CCL28: variants seen among roughly 807,000 people sequenced by gnomAD.
CCL28 encodes the protein C-C motif chemokine ligand 28.
Under a neutral mutation model 7.1 loss-of-function variants are expected in CCL28, and 4 were observed. That is an observed-to-expected ratio of 0.56 (90% CI 0.28 to 1.29). CCL28 has a LOEUF of 1.29. Among genes scored for constraint, CCL28 ranks in the 50% most tolerant of loss-of-function variants. The pLI is 0.11. For missense variants in CCL28, 151 were observed against 163.4 expected, an observed-to-expected ratio of 0.92 and a Z score of 0.41; for synonymous variants, 55 against 57.8, an observed-to-expected ratio of 0.95 and a Z score of 0.22.
At chr5:43,369,154 TTTTA>T in the CCL28 span, among the ~76,000 whole-genome samples, 1 of 152,108 alleles carries the variant, frequency 6.6e-6, no homozygotes, top group Non-Finnish European at 1.5e-5. Context: ...TTTTGCTGTA[TTTTA>T]TTTGTTAGAA....
In CCL28 at chr5:43,381,726, T is replaced by C. The variant is rs1305619329; in HGVS notation, c.*134A>G. 1 of 732,780 alleles carries C rather than the reference T, an allele frequency of 1.4e-6. No homozygotes were observed. Among genetic ancestry groups the C allele is most frequent in the African/African-American group, 1.8e-5 (1 of 56,608 alleles). The allele number at this position is 732,780 out of a possible 1,614,324, so 45.4% of individuals were successfully genotyped here. A position where few individuals can be genotyped will look rare whatever the true frequency, so the allele number is the denominator to read the frequency against. On this transcript the variant is annotated 3_prime_UTR_variant, in exon 3 of 3. Transcript: ENST00000361115. Reference sequence around the variant, plus strand: ...TGGCTACATTTGCATACCGCACAATTGTTCATTTTTTAAAAACCAATATTT... The same window carrying C: ...TGGCTACATTTGCATACCGCACAATCGTTCATTTTTTAAAAACCAATATTT...
downstream of CCL28, among the ~76,000 whole-genome samples, chr5:43,378,296 A>G (rs1739968822): frequency 6.6e-6 from 1 of 152,098 alleles, no homozygotes; most frequent in Admixed American, 6.5e-5. Context: ...GATTGCAATA[A>G]GCCCAGATTG....
At chr5:43,400,853 G>A (rs1740997552) in intron 1 of CCL28, among the ~76,000 whole-genome samples, 1 of 152,156 alleles carries the variant, frequency 6.6e-6, no homozygotes. Context: ...GGGAGGCCGA[G>A]GTGGGCAGAT....
intron 1 of CCL28, among the ~76,000 whole-genome samples, chr5:43,405,885 T>A (rs1220702971): frequency 6.6e-6 from 1 of 151,930 alleles, no homozygotes; most frequent in Non-Finnish European, 1.5e-5. Context: ...GCAAATAAGC[T>A]AGAAAATCTA....
Position 43,381,343 on chromosome 5 carries a change from C to T in CCL28, c.*517G>A, listed in dbSNP as rs1226439426. ...AGTTGGGAGAAGTTATATCTATATG[C>T]TCCTCTTAAAATATTATATGAAGAT... is the stretch of plus-strand genomic sequence containing the variant. On this transcript the variant is annotated 3_prime_UTR_variant, in exon 3 of 3. Coordinates refer to ENST00000361115, the MANE Select transcript of CCL28 (RefSeq NM_148672.3). 1.3e-5 allele frequency: 2 copies of T among 152,054 alleles called. No individual in the cohort carries two copies. Among genetic ancestry groups the T allele is most frequent in the Admixed American group, 6.6e-5 (1 of 15,266 alleles). 9.4% of individuals were successfully genotyped at this position (152,054 alleles called of 1,614,324 possible).
chr5:43,395,674 C>T (rs1210817306), intron 1 of CCL28, among the ~76,000 whole-genome samples: 1 of 151,908 alleles, frequency 6.6e-6, no homozygotes, highest in Non-Finnish European at 1.5e-5. Flanking sequence ...GGATCTCGTG[C>T]AAGAAAGAAT....
chr5:43,364,503 T>C, the CCL28 span, among the ~76,000 whole-genome samples: 1 of 152,176 alleles, frequency 6.6e-6, no homozygotes, highest in Non-Finnish European at 1.5e-5. Context: ...AAATAAAGAA[T>C]TTTTTAAAAA....
chr5:43,384,604 G>A (rs1379888603), intron 2 of CCL28, among the ~76,000 whole-genome samples: 1 of 151,522 alleles, frequency 6.6e-6, no homozygotes, highest in Non-Finnish European at 1.5e-5. Context: ...TTTGTAGGTG[G>A]AGAGTTTTGA....
the CCL28 span, among the ~76,000 whole-genome samples, chr5:43,360,919 A>G: frequency 6.6e-5 from 10 of 152,138 alleles, no homozygotes; most frequent in African/African-American, 2.4e-4. Flanking sequence ...TGCACAGATC[A>G]TCCCATCACC....
At chr5:43,378,594 A>G (rs533233718), downstream of CCL28, among the ~76,000 whole-genome samples, 1 of 152,376 alleles carries the variant, frequency 6.6e-6, no homozygotes, top group Non-Finnish European at 1.5e-5. Context: ...CAATAATAGT[A>G]CATAGTACAG....
At position 43,412,320 on chromosome 5, in the gene CCL28, T is replaced by A; in HGVS notation, c.-4A>T. 1.2e-6 allele frequency: 2 copies of A among 1,611,962 alleles called. No individual in the cohort carries two copies. Among genetic ancestry groups the A allele is most frequent in the Non-Finnish European group, 1.7e-6 (2 of 1,179,042 alleles). On this transcript the variant is annotated 5_prime_UTR_variant, in exon 1 of 3. Coordinates refer to ENST00000361115, the MANE Select transcript of CCL28 (RefSeq NM_148672.3). ...TGGCGAGTCCTCTCTGCTGCATTCC[T>A]GCCTGCCCTACTGGCACTGACAGCA...
At chr5:43,372,893 G>A (rs369466273), downstream of CCL28, among the ~76,000 whole-genome samples, 73 of 151,692 alleles carry the variant, frequency 4.8e-4, no homozygotes, top group South Asian at 4.8e-3. Context: ...CTGCCTCCCA[G>A]GTACAAGTGA....
chr5:43,388,729 AT>A (rs1740441898), intron 1 of CCL28, among the ~76,000 whole-genome samples: 1 of 152,236 alleles, frequency 6.6e-6, no homozygotes, highest in Non-Finnish European at 1.5e-5. Flanking sequence ...ACAGACAAGG[AT>A]TCTGGTGGTA....
chr5:43,373,845 AAAG>A (rs1277374014), downstream of CCL28, among the ~76,000 whole-genome samples: 2 of 152,206 alleles, frequency 1.3e-5, no homozygotes, highest in Admixed American at 6.5e-5. Context: ...CCTACTGTGC[AAAG>A]AAGGTTTTTT....
chr5:43,390,188 G>T (rs1025299), intron 1 of CCL28, among the ~76,000 whole-genome samples: 2 of 152,084 alleles, frequency 1.3e-5, no homozygotes, highest in Admixed American at 6.5e-5. Flanking sequence ...CTGATAAGAG[G>T]TCGGGGAGGC....
At chr5:43,370,247 A>G in the CCL28 span, among the ~76,000 whole-genome samples, 1 of 152,238 alleles carries the variant, frequency 6.6e-6, no homozygotes, top group African/African-American at 2.4e-5. Context: ...ACGGCAATAT[A>G]TAATTCAAAT....
chr5:43,398,704 A>G (rs1015374415), intron 1 of CCL28, among the ~76,000 whole-genome samples: 8 of 152,142 alleles, frequency 5.3e-5, no homozygotes, highest in Non-Finnish European at 1.5e-5. Flanking sequence ...CAAAAAAATT[A>G]GCCGGGCATG....
At chr5:43,387,728 C>T (rs1028114171) in intron 2 of CCL28, among the ~76,000 whole-genome samples, 2 of 152,182 alleles carry the variant, frequency 1.3e-5, no homozygotes, top group South Asian at 2.1e-4. Context: ...CTGGGCTCAA[C>T]GATCCTCCCA....
At chr5:43,388,676 T>C (rs1740440377) in intron 1 of CCL28, among the ~76,000 whole-genome samples, 200 bp from the exon 2 acceptor site, 1 of 152,114 alleles carries the variant, frequency 6.6e-6, no homozygotes, top group African/African-American at 2.4e-5. Context: ...AAAATGTAAA[T>C]TTAGGCAAAG....
Sources: allele counts gnomAD v4.1 joint callset (sites outside exome capture counted in the v4.1 genomes callset), GRCh38; gene constraint gnomAD v4.1.1; transcripts MANE v1.5; gene names NCBI Gene and HGNC (gene_info 2026-07-23, HGNC 2026-07-21).